The following TXLNB variants were observed in gnomAD, a reference collection of about 807,000 sequenced individuals.
The protein encoded by TXLNB is beta-taxilin.
Under a neutral mutation model 57.4 loss-of-function variants are expected in TXLNB, and 37 were observed. That is an observed-to-expected ratio of 0.64 (90% confidence interval 0.50 to 0.85). The LOEUF (loss-of-function observed/expected upper bound fraction) is 0.85, where lower values mean the gene tolerates loss of function less well. Ranked by LOEUF, TXLNB falls within the 40% of genes least tolerant of loss-of-function variation. The probability of loss-of-function intolerance (pLI) is 0.00; values close to 1 mark genes in which losing one functional copy is unlikely to be tolerated. For missense variants in TXLNB, 848 were observed against 825.6 expected (o/e 1.03, Z -0.33); for synonymous variants, 302 against 309.6 (o/e 0.98, Z 0.26).
chr6:139,313,236 CT>C, the TXLNB span, among the ~76,000 whole-genome samples: 1 of 152,004 alleles, frequency 6.6e-6, no homozygotes, highest in Non-Finnish European at 1.5e-5. Flanking sequence ...CCATGCCCGG[CT>C]AATTTTTTGT....
chr6:139,294,212 C>T (rs1212881228), upstream of TXLNB, among the ~76,000 whole-genome samples: 1 of 152,098 alleles, frequency 6.6e-6, no homozygotes, highest in East Asian at 1.9e-4. Context: ...TATTGTTTTG[C>T]TGAACTTAAA....
the TXLNB span, among the ~76,000 whole-genome samples, chr6:139,163,334 A>G: frequency 2.7e-5 from 4 of 147,980 alleles, no homozygotes; most frequent in Middle Eastern, 3.6e-3. Context: ...GCTCTGGGAC[A>G]TTTTGCAGTT....
At chr6:139,313,710 T>G in the TXLNB span, among the ~76,000 whole-genome samples, 2 of 152,218 alleles carry the variant, frequency 1.3e-5, no homozygotes, top group African/African-American at 2.4e-5. Context: ...TAAGTCACCC[T>G]GTGGCAGGCA....
the TXLNB span, among the ~76,000 whole-genome samples, chr6:139,298,663 T>G: frequency 6.6e-6 from 1 of 152,204 alleles, no homozygotes; most frequent in African/African-American, 2.4e-5. Context: ...ACTCCACTGT[T>G]GCAACCCCTG....
chr6:139,290,636 A>G (rs564485780), intron 1 of TXLNB, among the ~76,000 whole-genome samples: 1 of 152,340 alleles, frequency 6.6e-6, no homozygotes, highest in African/African-American at 2.4e-5. Flanking sequence ...GAGAGATGGT[A>G]CTGAGTCAGA....
At chr6:139,237,574 T>C (rs1458500328), downstream of TXLNB, 1 of 151,506 alleles carries the variant, frequency 6.6e-6, no homozygotes, top group African/African-American at 2.4e-5. Flanking sequence ...ATATTTTACC[T>C]ATAACATATA....
At chr6:139,279,249 T>C (rs1776982868) in intron 2 of TXLNB, among the ~76,000 whole-genome samples, 1 of 152,238 alleles carries the variant, frequency 6.6e-6, no homozygotes, top group African/African-American at 2.4e-5. Flanking sequence ...CTTCTCCCCT[T>C]TGGTTTTATT....
At chr6:139,318,036 G>A in the TXLNB span, among the ~76,000 whole-genome samples, 16 of 152,080 alleles carry the variant, frequency 1.1e-4, no homozygotes, top group African/African-American at 2.9e-4. Context: ...TTGGGAGGCC[G>A]AGGCAGATGG....
Position 139,262,747 on chromosome 6 carries a change from C to T in TXLNB, c.714G>A (p.Glu238=), listed in dbSNP as rs1776518318. ...TGATTTCCTTCCTTTTCTCTTCTTC[C>T]TCACGTGCCCGCTGAAGCGCCTCTT... The part of the protein sequence containing the change: ...LKEEALQRAR[E]EEEKRKEITS... Residue 238 remains glutamate, a synonymous_variant, in exon 5 of 10, where the codon GAG becomes GAA. Coordinates refer to ENST00000358430, the MANE Select transcript of TXLNB (RefSeq NM_153235.4). The T allele has an allele frequency of 1.9e-6, 3 of 1,613,558 alleles. No homozygotes were observed. The Admixed American group carries it at 5.0e-5, about 27-fold the overall frequency.
the TXLNB span, among the ~76,000 whole-genome samples, chr6:139,230,165 G>C: frequency 6.6e-6 from 1 of 152,124 alleles, no homozygotes. Context: ...CTTCAATATC[G>C]GTTTTCTAAT....
At chr6:139,219,598 A>T in the TXLNB span, among the ~76,000 whole-genome samples, 292 of 152,342 alleles carry the variant, frequency 1.9e-3, no homozygotes, top group African/African-American at 6.6e-3. Flanking sequence ...TGGAGACGTC[A>T]GGAAGCGAAG....
chr6:139,279,359 G>T (rs1194817166), intron 2 of TXLNB, among the ~76,000 whole-genome samples: 8 of 152,056 alleles, frequency 5.3e-5, no homozygotes, highest in Non-Finnish European at 8.8e-5. Flanking sequence ...GTGTTATTTT[G>T]TATAGAAGGT....
intron 6 of TXLNB, among the ~76,000 whole-genome samples, chr6:139,259,276 A>G (rs997304862): frequency 1.3e-5 from 2 of 152,198 alleles, no homozygotes; most frequent in African/African-American, 4.8e-5. Context: ...TCCTTTGCAG[A>G]AGCACCCAGT....
the TXLNB span, among the ~76,000 whole-genome samples, chr6:139,202,887 C>T: frequency 6.6e-6 from 1 of 152,178 alleles, no homozygotes; most frequent in Non-Finnish European, 1.5e-5. Flanking sequence ...TAGTAACTAT[C>T]ATTCTATTCT....
At chr6:139,183,881 A>T in the TXLNB span, among the ~76,000 whole-genome samples, 1 of 147,438 alleles carries the variant, frequency 6.8e-6, no homozygotes. Flanking sequence ...CTAGTTGTAG[A>T]TTACAGAAGC....
At chr6:139,190,111 A>T in the TXLNB span, among the ~76,000 whole-genome samples, 2 of 152,236 alleles carry the variant, frequency 1.3e-5, no homozygotes, top group Non-Finnish European at 2.9e-5. Flanking sequence ...TACCTGGATC[A>T]TAAGAACTGC....
At chr6:139,272,468 T>C (rs1776788512) in intron 3 of TXLNB, among the ~76,000 whole-genome samples, 1 of 152,192 alleles carries the variant, frequency 6.6e-6, no homozygotes, top group Non-Finnish European at 1.5e-5. Context: ...GCTAAGGATA[T>C]GTATATATGA....
chr6:139,289,094 T>C (rs189953060), intron 1 of TXLNB, among the ~76,000 whole-genome samples, 181 bp from the exon 2 acceptor site: 18 of 152,284 alleles, frequency 1.2e-4, no homozygotes, highest in Admixed American at 7.8e-4. Flanking sequence ...ACCCCTCATA[T>C]CGTCTTATGC....
chr6:139,301,746 A>G, the TXLNB span, among the ~76,000 whole-genome samples: 1 of 152,152 alleles, frequency 6.6e-6, no homozygotes, highest in Non-Finnish European at 1.5e-5. Flanking sequence ...CTTTACTTTC[A>G]CAGTAACTTG....
Sources: allele counts gnomAD v4.1 joint callset (sites outside exome capture counted in the v4.1 genomes callset), GRCh38; gene constraint gnomAD v4.1.1; transcripts MANE v1.5; gene names NCBI Gene and HGNC (gene_info 2026-07-23, HGNC 2026-07-21).